The following UNC13C variants were observed in gnomAD, a reference collection of about 807,000 sequenced individuals.
UNC13C encodes unc-13 homolog C.
In UNC13C, 174 loss-of-function variants were observed where a neutral mutation model predicts 245.4. The observed-to-expected ratio is 0.71, with a 90% confidence interval of 0.63 to 0.80. The LOEUF (loss-of-function observed/expected upper bound fraction) is 0.80, where lower values mean the gene tolerates loss of function less well. Ranked by LOEUF, UNC13C falls within the 30% of genes least tolerant of loss-of-function variation. The probability of loss-of-function intolerance (pLI) is 0.00; values close to 1 mark genes in which losing one functional copy is unlikely to be tolerated. For synonymous variants in UNC13C, 992 were observed against 895.1 expected, an observed-to-expected ratio of 1.11 and a Z score of -1.93; for missense variants, 2,829 against 2,602.9, an observed-to-expected ratio of 1.09 and a Z score of -1.89.
intron 2 of UNC13C, among the ~76,000 whole-genome samples, chr15:54,136,497 G>A (rs917535065): frequency 6.6e-6 from 1 of 151,994 alleles, no homozygotes; most frequent in Non-Finnish European, 1.5e-5. Context: ...AAACAGAAAC[G>A]ATTTACTTCT....
At chr15:54,475,673 T>A in intron 19 of UNC13C, among the ~76,000 whole-genome samples, 1 of 148,740 alleles carries the variant, frequency 6.7e-6, no homozygotes. Flanking sequence ...TTCCATGGTG[T>A]ATATGTGCCA....
rs1175882883 is a variant in UNC13C at position 54,626,816 on chromosome 15, T to C, written c.6360-12T>C. The C allele has an allele frequency of 1.9e-6, 3 of 1,597,886 alleles. No individual in the cohort carries two copies. Among genetic ancestry groups the C allele is most frequent in the Non-Finnish European group, 2.6e-6 (3 of 1,172,090 alleles). On this transcript the variant is annotated splice_polypyrimidine_tract_variant and intron_variant, in intron 32 of 32. Coordinates refer to ENST00000260323, the MANE Select transcript of UNC13C (RefSeq NM_001080534.3). ...AGTTTTTGCTCAAAATTTGTATTTT[T>C]AATCCACACAGCATTCTCGGAAAGG...
intron 7 of UNC13C, among the ~76,000 whole-genome samples, chr15:54,245,622 G>C (rs1241943899): frequency 6.6e-6 from 1 of 152,066 alleles, no homozygotes; most frequent in Non-Finnish European, 1.5e-5. Context: ...TTTTATCCTA[G>C]CATTGCTCTG....
chr15:53,864,105 C>T, the UNC13C span, among the ~76,000 whole-genome samples: 1 of 152,140 alleles, frequency 6.6e-6, no homozygotes, highest in Non-Finnish European at 1.5e-5. Flanking sequence ...TCTGTGTCTC[C>T]TGACATCTTC....
At chr15:54,008,986 C>T (rs1456196600) in intron 1 of UNC13C, among the ~76,000 whole-genome samples, 1 of 152,118 alleles carries the variant, frequency 6.6e-6, no homozygotes, top group Non-Finnish European at 1.5e-5. Context: ...TGAAACATAA[C>T]AGGTGATCAT....
At chr15:54,354,642 TG>T (rs2039053982) in intron 17 of UNC13C, among the ~76,000 whole-genome samples, 1 of 152,202 alleles carries the variant, frequency 6.6e-6, no homozygotes, top group Non-Finnish European at 1.5e-5. Flanking sequence ...ACACAGCTTC[TG>T]GAATAGGTTT....
chr15:54,379,115 GT>G (rs34431391), intron 17 of UNC13C, among the ~76,000 whole-genome samples: 8 of 151,856 alleles, frequency 5.3e-5, no homozygotes, highest in African/African-American at 1.5e-4. Context: ...TAGTTGCTCA[GT>G]TTTTTTGTTT....
At chr15:54,300,420 T>C (rs2037549249) in intron 13 of UNC13C, 47 bp downstream of exon 13, 1 of 1,491,022 alleles carries the variant, frequency 6.7e-7, no homozygotes, top group African/African-American at 1.4e-5. Context: ...TATTAAAATA[T>C]AAAGAAAGAA....
intron 4 of UNC13C, among the ~76,000 whole-genome samples, chr15:54,159,140 C>A (rs1567057348): frequency 2.6e-5 from 4 of 152,180 alleles, no homozygotes; most frequent in African/African-American, 4.8e-5. Context: ...CATTAAACAT[C>A]TCCCTGCTGG....
chr15:54,410,736 A>G (rs947781103), intron 18 of UNC13C, among the ~76,000 whole-genome samples: 1 of 152,060 alleles, frequency 6.6e-6, no homozygotes, highest in Non-Finnish European at 1.5e-5. Flanking sequence ...TGGTGCCAGT[A>G]TCATGCTGTT....
intron 4 of UNC13C, among the ~76,000 whole-genome samples, chr15:54,220,480 A>C (rs2035190095): frequency 6.6e-6 from 1 of 150,586 alleles, no homozygotes; most frequent in Non-Finnish European, 1.5e-5. Context: ...TAGCATTAGG[A>C]GATACACCTA....
At chr15:54,289,654 A>C (rs1464444581) in intron 10 of UNC13C, among the ~76,000 whole-genome samples, 1 of 152,132 alleles carries the variant, frequency 6.6e-6, no homozygotes, top group Non-Finnish European at 1.5e-5. Context: ...TAGAGGTTAA[A>C]GTACTAGCTT....
chr15:53,908,217 G>A, the UNC13C span, among the ~76,000 whole-genome samples: 63 of 146,114 alleles, frequency 4.3e-4, 10 homozygotes, highest in Non-Finnish European at 7.7e-4. Flanking sequence ...TCATTTAATG[G>A]GTGCTCCTTT....
chr15:54,192,291 G>A (rs1040201076), intron 4 of UNC13C, among the ~76,000 whole-genome samples: 4 of 151,876 alleles, frequency 2.6e-5, no homozygotes, highest in African/African-American at 4.8e-5. Flanking sequence ...TGTAGTCTTT[G>A]TGACTATCAT....
chr15:54,572,917 C>A (rs1203784521), intron 30 of UNC13C, among the ~76,000 whole-genome samples: 1 of 152,068 alleles, frequency 6.6e-6, no homozygotes, highest in Non-Finnish European at 1.5e-5. Flanking sequence ...TCCCCTTACT[C>A]CATTTTCTTC....
chr15:54,287,079 A>G (rs1284212723), intron 10 of UNC13C, among the ~76,000 whole-genome samples: 1 of 152,210 alleles, frequency 6.6e-6, no homozygotes, highest in Non-Finnish European at 1.5e-5. Flanking sequence ...AGAAAAGCCA[A>G]ATTCACAAAC....
intron 13 of UNC13C, among the ~76,000 whole-genome samples, chr15:54,304,957 C>G (rs2037688473): frequency 1.3e-5 from 2 of 151,956 alleles, no homozygotes; most frequent in South Asian, 4.1e-4. Flanking sequence ...CTCATTTTAT[C>G]TCAATCTGTT....
intron 30 of UNC13C, among the ~76,000 whole-genome samples, chr15:54,581,223 T>A (rs1289539642): frequency 1.3e-5 from 2 of 151,810 alleles, no homozygotes; most frequent in African/African-American, 4.8e-5. Context: ...GGGTCTCAAG[T>A]AAAGAAAGGA....
At chr15:54,579,813 T>C (rs556486049) in intron 30 of UNC13C, among the ~76,000 whole-genome samples, 1 of 152,318 alleles carries the variant, frequency 6.6e-6, no homozygotes, top group South Asian at 2.1e-4. Context: ...ATAATTGCTT[T>C]GTGAGTAGCA....
Sources: gnomAD v4.1 joint callset for allele counts (sites outside exome capture counted in the v4.1 genomes callset) on GRCh38, gnomAD v4.1.1 for gene constraint, MANE v1.5 for transcripts, NCBI Gene and HGNC (gene_info 2026-07-23, HGNC 2026-07-21) for gene names.